GOLGA1: variants seen among roughly 807,000 people sequenced by gnomAD.
The protein encoded by GOLGA1 is golgin A1.
A neutral mutation model predicts 119.7 loss-of-function variants in GOLGA1; 63 were observed. The observed-to-expected ratio is 0.53, with a 90% CI of 0.43 to 0.65. GOLGA1 has a LOEUF of 0.65. Among genes scored for constraint, GOLGA1 ranks in the 30% least tolerant of loss-of-function variants. The pLI, the probability that GOLGA1 is intolerant of heterozygous loss-of-function variation, is 0.00. For synonymous variants in GOLGA1, 318 were observed against 333.4 expected (o/e 0.95, Z 0.50); for missense variants, 798 against 912.8 (o/e 0.87, Z 1.62).
intron 15 of GOLGA1, among the ~76,000 whole-genome samples, chr9:124,892,432 G>C (rs1434082473): frequency 1.3e-5 from 2 of 151,996 alleles, no homozygotes; most frequent in African/African-American, 4.8e-5. Flanking sequence ...AGTTATACTT[G>C]ACCAATTTTG....
intron 1 of GOLGA1, among the ~76,000 whole-genome samples, chr9:124,940,490 T>C (rs546558720): frequency 6.4e-4 from 98 of 152,300 alleles, no homozygotes; most frequent in African/African-American, 2.3e-3. Context: ...TCTCAGTTGA[T>C]TACTACACTC....
chr9:124,880,729 G>A, intron 22 of GOLGA1, 119 bp from the exon 23 acceptor site: 1 of 688,172 alleles, frequency 1.5e-6, no homozygotes, highest in Non-Finnish European at 2.7e-6. Context: ...TCCTGCCTCT[G>A]GCTCTGAGCA....
intron 19 of GOLGA1, among the ~76,000 whole-genome samples, chr9:124,886,827 G>T (rs1829732012): frequency 6.6e-6 from 1 of 152,082 alleles, no homozygotes; most frequent in South Asian, 2.1e-4. Context: ...CAGGGTTGAG[G>T]TGAAGAGAGG....
chr9:124,940,903 G>C (rs943426628), intron 1 of GOLGA1, 68 bp downstream of exon 1: 1 of 152,336 alleles, frequency 6.6e-6, no homozygotes, highest in Non-Finnish European at 1.5e-5. Context: ...GGGCCGCTGT[G>C]GGGACAGACC....
intron 12 of GOLGA1, among the ~76,000 whole-genome samples, chr9:124,907,219 T>C (rs147303436): frequency 2.0e-5 from 3 of 152,288 alleles, no homozygotes; most frequent in African/African-American, 7.2e-5. Flanking sequence ...CAATACGTGA[T>C]AAAGTTAGCA....
intron 7 of GOLGA1, among the ~76,000 whole-genome samples, chr9:124,926,418 T>C (rs1180003136): frequency 6.6e-6 from 1 of 152,150 alleles, no homozygotes; most frequent in East Asian, 1.9e-4. Flanking sequence ...CCCAACCGGA[T>C]GCCAGAGGGC....
intron 3 of GOLGA1, among the ~76,000 whole-genome samples, chr9:124,935,622 CT>C (rs533535747): frequency 9.9e-5 from 15 of 152,088 alleles, no homozygotes; most frequent in Admixed American, 9.2e-4. Context: ...ACGGTGAAAC[CT>C]CATCTCTACT....
At chr9:124,903,697 CAATGAATG>C (rs1194164894) in intron 12 of GOLGA1, among the ~76,000 whole-genome samples, 1 of 141,594 alleles carries the variant, frequency 7.1e-6, no homozygotes, top group Non-Finnish European at 1.5e-5. Context: ...AAGTGTTCAT[CAATGAATG>C]AATGGAGAAA....
chr9:124,939,711 C>T (rs192625029), intron 2 of GOLGA1, among the ~76,000 whole-genome samples: 7 of 151,662 alleles, frequency 4.6e-5, no homozygotes, highest in African/African-American at 7.3e-5. Context: ...TACAGGAATG[C>T]GCCACTATGC....
intron 19 of GOLGA1, among the ~76,000 whole-genome samples, chr9:124,883,846 C>A (rs1829650779): frequency 6.6e-6 from 1 of 152,168 alleles, no homozygotes; most frequent in Non-Finnish European, 1.5e-5. Context: ...CTTCAACCTC[C>A]CGAGTAGCTG....
chr9:124,910,044 C>T (rs964871210), intron 11 of GOLGA1, among the ~76,000 whole-genome samples: 2 of 152,320 alleles, frequency 1.3e-5, no homozygotes, highest in African/African-American at 4.8e-5. Flanking sequence ...ATTCTCCTCC[C>T]TCAGCCTCCG....
In GOLGA1 at chr9:124,880,563, C is replaced by T. The variant is rs371612347; in HGVS notation, c.2271G>A (p.Pro757=). 64 of 1,610,202 alleles carry T rather than the reference C, an allele frequency of 4.0e-5. 1 individual carries two copies. Among genetic ancestry groups the T allele is most frequent in the South Asian group, 2.5e-4 (23 of 90,990 alleles). Residue 757 remains proline, a synonymous_variant, in exon 23 of 23, where the codon CCG becomes CCA. Transcript: ENST00000373555. ...ATGGTATCCGAGGGTTTGAGATAGACGGCCGGATGCTGCCCTTGGGAGCTG... is the reference window on the plus strand; with the variant it reads ...ATGGTATCCGAGGGTTTGAGATAGATGGCCGGATGCTGCCCTTGGGAGCTG... The part of the protein sequence containing the change: ...SKPAPKGSIR[P]SISNPRIPWS
In GOLGA1 at chr9:124,939,953, T is replaced by C. The variant is rs75923902; in HGVS notation, c.-156+153A>G. On this transcript the variant is annotated intron_variant, in intron 2 of 22. Coordinates refer to ENST00000373555, the MANE Select transcript of GOLGA1 (RefSeq NM_002077.4). ...CTAATGGTGTATAAAACACTAATAT[T>C]CTGGTTCCAACCTTAACTTTCCATG... 3.9e-5 allele frequency among the ~76,000 whole-genome samples: 6 copies of C among 152,332 alleles called. No individual in the cohort carries two copies. In the East Asian group the frequency reaches 1.2e-3, roughly 29 times the overall value.
At position 124,890,267 on chromosome 9, in the gene GOLGA1, G is replaced by C. The variant is rs1465168762; in HGVS notation, c.1497+122C>G. 10 of 696,384 alleles carry C rather than the reference G, an allele frequency of 1.4e-5. No homozygotes were observed. In the Admixed American group the frequency reaches 2.4e-4, roughly 17 times the overall value. The allele number at this position is 696,384 out of a possible 1,614,324, so 43.1% of individuals were successfully genotyped here. A position where few individuals can be genotyped will look rare whatever the true frequency, so the allele number is the denominator to read the frequency against. ...CCACGCAGCTGACTGCATTCCCTGA[G>C]TCCTGAGTCTACTACCCTACCCTGG... On this transcript the variant is annotated intron_variant, in intron 16 of 22. Transcript: ENST00000373555.
intron 12 of GOLGA1, among the ~76,000 whole-genome samples, chr9:124,906,350 G>A (rs1011983495): frequency 2.0e-5 from 3 of 151,798 alleles, no homozygotes; most frequent in African/African-American, 7.3e-5. Flanking sequence ...AGAATCGCTG[G>A]AACCCAGGAG....
chr9:124,922,015 G>A, intron 8 of GOLGA1, 123 bp from the exon 9 acceptor site: 1 of 785,112 alleles, frequency 1.3e-6, no homozygotes. Flanking sequence ...ATCACTTGAG[G>A]TCAGGAGTTT....
rs775150441 is a variant in GOLGA1, at chr9:124,938,563, G to A, written c.135+14C>T. 16 of 1,596,742 alleles carry A rather than the reference G, an allele frequency of 1.0e-5. No individual in the cohort carries two copies. Among genetic ancestry groups the A allele is most frequent in the Admixed American group, 1.7e-5 (1 of 58,056 alleles). On this transcript the variant is annotated intron_variant, in intron 3 of 22. Transcript: ENST00000373555. Reference sequence around the variant, plus strand: ...CTGCAAAAGTATCTTTATTTCTTAAGTAAAGGTACTTACAAAGTCATCTCC... The same window carrying A: ...CTGCAAAAGTATCTTTATTTCTTAAATAAAGGTACTTACAAAGTCATCTCC...
chr9:124,915,195 GCT>G (rs201629247), intron 10 of GOLGA1, among the ~76,000 whole-genome samples: 3,611 of 152,164 alleles, frequency 0.024, 66 homozygotes, highest in Non-Finnish European at 0.036. Context: ...CTGAATCCTG[GCT>G]CTGTCATTGA....
In GOLGA1 at chr9:124,938,740, G is replaced by T; in HGVS notation, c.-29C>A. The T allele has an allele frequency of 6.2e-7, 1 of 1,600,442 alleles. No homozygotes were observed. Among genetic ancestry groups the T allele is most frequent in the Non-Finnish European group, 8.5e-7 (1 of 1,172,882 alleles). On this transcript the variant is annotated 5_prime_UTR_variant, in exon 3 of 23. Coordinates refer to ENST00000373555, the MANE Select transcript of GOLGA1 (RefSeq NM_002077.4). ...TGCTGTGTGGCTATCCTGCACAGAT[G>T]ACGAGCTCTCAGTAGTCCTGGTGCC...
Sources: allele counts gnomAD v4.1 joint callset (sites outside exome capture counted in the v4.1 genomes callset), GRCh38; gene constraint gnomAD v4.1.1; transcripts MANE v1.5; gene names NCBI Gene and HGNC (gene_info 2026-07-23, HGNC 2026-07-21).